Variants in RUNX1 observed in about 807,000 individuals in gnomAD.
The protein encoded by RUNX1 is RUNX family transcription factor 1, also known as runt-related transcription factor 1.
A neutral mutation model predicts 42.8 loss-of-function variants in RUNX1; 19 were observed. The ratio of observed to expected loss-of-function variants is 0.44; its 90% CI spans 0.31 to 0.65. RUNX1 has a LOEUF of 0.65. Among genes scored for constraint, RUNX1 ranks in the 30% least tolerant of loss-of-function variants. The pLI, the probability that RUNX1 is intolerant of heterozygous loss-of-function variation, is 0.07. For synonymous variants in RUNX1, 271 were observed against 289.4 expected (o/e 0.94, Z 0.64); for missense variants, 528 against 672.0 (o/e 0.79, Z 2.37).
intron 2 of RUNX1, among the ~76,000 whole-genome samples, chr21:34,898,035 A>G (rs1305454879): frequency 6.6e-6 from 1 of 152,168 alleles, no homozygotes; most frequent in Non-Finnish European, 1.5e-5. Context: ...TAGCTAGAAG[A>G]CAGAGCAGGC....
At chr21:34,974,006 A>C (rs1013288139) in intron 2 of RUNX1, among the ~76,000 whole-genome samples, 6 of 152,176 alleles carry the variant, frequency 3.9e-5, no homozygotes, top group Non-Finnish European at 7.3e-5. Context: ...GGATTATCCA[A>C]AGAATTGTTT....
chr21:34,906,526 G>C (rs76391930), intron 2 of RUNX1, among the ~76,000 whole-genome samples: 5,092 of 152,186 alleles, frequency 0.033, 197 homozygotes, highest in African/African-American at 0.099. Context: ...ATTAATTTAG[G>C]AACAATTATC....
chr21:34,849,757 T>C (rs1385366583), intron 6 of RUNX1, among the ~76,000 whole-genome samples: 1 of 150,910 alleles, frequency 6.6e-6, no homozygotes, highest in African/African-American at 2.4e-5. Context: ...ATTAATACTT[T>C]GATAGCAAAA....
chr21:34,861,561 T>A (rs2057576018), intron 5 of RUNX1, among the ~76,000 whole-genome samples: 1 of 152,150 alleles, frequency 6.6e-6, no homozygotes, highest in African/African-American at 2.4e-5. Flanking sequence ...GCTTTTAGGA[T>A]CTTCTCACTA....
rs2056463112 is a variant in RUNX1, at chr21:34,792,633, GA to G, written c.968-24del. The G allele has an allele frequency of 4.5e-6, 7 of 1,554,314 alleles. No homozygotes were observed. The highest frequency in any genetic ancestry group is 1.9e-5 in the Admixed American group (1 of 51,982). On this transcript the variant is annotated intron_variant, in intron 8 of 8. Coordinates refer to ENST00000675419, the MANE Select transcript of RUNX1 (RefSeq NM_001754.5). The surrounding 1 kb of genome is among the most constrained non-coding windows in gnomAD (Gnocchi z 6.9). ...CCGCTGCAGGGCGGGCAAGAGAACG[GA>G]GCGGAAGTGAGTAGGAGGTTGCGGA...
rs1183071052 is a variant in RUNX1 at position 35,010,617 on chromosome 21, A to ACACACACG, written c.58+38217_58+38224dup. On this transcript the variant is annotated intron_variant, in intron 2 of 8. Transcript: ENST00000675419. ...TGGTCAGTCACACTACCGTGAGTAC[A>ACACACACG]CACACACGCACACACACACACACAC... Among the ~76,000 whole-genome samples the ACACACACG allele has an allele frequency of 2.0e-5, 3 of 147,240 alleles. No individual in the cohort carries two copies. The East Asian group carries it at 5.8e-4, about 28-fold the overall frequency.
At chr21:34,921,464 C>T (rs997130787) in intron 2 of RUNX1, among the ~76,000 whole-genome samples, 1 of 152,186 alleles carries the variant, frequency 6.6e-6, no homozygotes, top group African/African-American at 2.4e-5. Context: ...GCATAAGTCC[C>T]TCCTTTCTAA....
intron 2 of RUNX1, among the ~76,000 whole-genome samples, chr21:34,967,023 A>G (rs1376554111): frequency 6.6e-6 from 1 of 152,116 alleles, no homozygotes; most frequent in Non-Finnish European, 1.5e-5. Context: ...TTAGGGATGT[A>G]ATGAAAACAC....
intron 7 of RUNX1, among the ~76,000 whole-genome samples, chr21:34,804,178 C>T (rs1260175959): frequency 6.6e-6 from 1 of 152,200 alleles, no homozygotes; most frequent in Non-Finnish European, 1.5e-5. Context: ...GTGATTTTGA[C>T]AGATTGCTAG....
At position 34,939,419 on chromosome 21, in the gene RUNX1, T is replaced by C. The variant is rs11702474; in HGVS notation, c.59-46456A>G. ...ACTAAAATAGACTTTGATTCTTCCA[T>C]TGGAGAAGAATATAATGATCATGTG... is the stretch of plus-strand genomic sequence containing the variant. On this transcript the variant is annotated intron_variant, in intron 2 of 8. Coordinates refer to ENST00000675419, the MANE Select transcript of RUNX1 (RefSeq NM_001754.5). Among the ~76,000 whole-genome samples, 1,254 of 152,312 alleles carry C rather than the reference T, an allele frequency of 8.2e-3. 10 individuals carry two copies. Among genetic ancestry groups the C allele is most frequent in the Middle Eastern group, 0.024 (7 of 294 alleles).
chr21:34,790,418 C>G lies in RUNX1; in HGVS notation c.*1717G>C, dbSNP rs1262625903. On this transcript the variant is annotated 3_prime_UTR_variant, in exon 9 of 9. Transcript: ENST00000675419. ...TCGTTTCAACGAATTTTAAGAGGTACGTTAAATAACCACCAGATCATTTGG... is the reference window on the plus strand; with the variant it reads ...TCGTTTCAACGAATTTTAAGAGGTAGGTTAAATAACCACCAGATCATTTGG... 4.3e-6 allele frequency: 1 copy of G among 233,484 alleles called. No homozygotes were observed. Among genetic ancestry groups the G allele is most frequent in the Non-Finnish European group, 8.5e-6 (1 of 118,004 alleles). The allele number at this position is 233,484 out of a possible 1,614,324, so 14.5% of individuals were successfully genotyped here. A position where few individuals can be genotyped will look rare whatever the true frequency, so the allele number is the denominator to read the frequency against.
intron 2 of RUNX1, among the ~76,000 whole-genome samples, chr21:34,952,405 A>G (rs912308188): frequency 1.5e-4 from 23 of 152,150 alleles, no homozygotes; most frequent in African/African-American, 5.5e-4. Context: ...AAATATATAC[A>G]TGGCTATTAA....
intron 3 of RUNX1, chr21:34,889,733 G>T: frequency 8.5e-7 from 1 of 1,183,004 alleles, no homozygotes. Context: ...CGGTGCTGCG[G>T]GCATTTTCGC....
chr21:35,006,269 C>T (rs1226730948), intron 2 of RUNX1, among the ~76,000 whole-genome samples: 1 of 152,192 alleles, frequency 6.6e-6, no homozygotes, highest in Non-Finnish European at 1.5e-5. Flanking sequence ...CATGAAACAG[C>T]CTCAATGTTT....
chr21:35,036,213 T>C (rs1464018237), intron 2 of RUNX1, among the ~76,000 whole-genome samples: 4 of 152,238 alleles, frequency 2.6e-5, no homozygotes, highest in Admixed American at 2.0e-4. Flanking sequence ...ATTTTTACTT[T>C]CCTGTTAATT....
At chr21:34,972,317 T>C (rs921920576) in intron 2 of RUNX1, among the ~76,000 whole-genome samples, 1 of 152,212 alleles carries the variant, frequency 6.6e-6, no homozygotes, top group African/African-American at 2.4e-5. Context: ...TTTCCAATTC[T>C]ATGGTAATTA....
At chr21:34,881,308 C>A (rs1370275505) in intron 4 of RUNX1, among the ~76,000 whole-genome samples, 3 of 152,208 alleles carry the variant, frequency 2.0e-5, no homozygotes, top group African/African-American at 7.2e-5. Flanking sequence ...AACCCAATTT[C>A]TGCTAAAAGT....
chr21:34,808,387 A>G (rs8130772), intron 7 of RUNX1, among the ~76,000 whole-genome samples: 12,915 of 152,076 alleles, frequency 0.085, 1,472 homozygotes, highest in African/African-American at 0.27. Context: ...GGGAAGGAAG[A>G]AGGGAGCCCT....
At chr21:34,980,066 A>C (rs571448481) in intron 2 of RUNX1, among the ~76,000 whole-genome samples, 4 of 152,236 alleles carry the variant, frequency 2.6e-5, no homozygotes, top group Non-Finnish European at 5.9e-5. Context: ...GTCAATATAC[A>C]TAAAGCGCTT....
Sources: gnomAD v4.1 joint callset for allele counts (sites outside exome capture counted in the v4.1 genomes callset) on GRCh38, gnomAD v4.1.1 for gene constraint, Gnocchi (gnomAD v3.1) non-coding constraint, MANE v1.5 for transcripts, NCBI Gene and HGNC (gene_info 2026-07-23, HGNC 2026-07-21) for gene names.